Variants in SLC66A2 observed in about 807,000 individuals in gnomAD.
SLC66A2 encodes the protein solute carrier family 66 member 2, also known as PQ loop repeat containing 1.
A neutral mutation model predicts 25.5 loss-of-function variants in SLC66A2; 23 were observed. The observed-to-expected ratio is 0.90, with a 90% CI of 0.65 to 1.28. The LOEUF (loss-of-function observed/expected upper bound fraction) is 1.28, where lower values mean the gene tolerates loss of function less well. Among genes scored for constraint, SLC66A2 ranks in the 50% most tolerant of loss-of-function variants. The probability of loss-of-function intolerance (pLI) is 0.00; values close to 1 mark genes in which losing one functional copy is unlikely to be tolerated. For synonymous variants in SLC66A2, 193 were observed against 166.5 expected (o/e 1.16, Z -1.23); for missense variants, 396 against 373.1 (o/e 1.06, Z -0.51).
rs1289728019 is a variant in SLC66A2, at chr18:79,907,337, T to TTG, written c.609-3155_609-3154insCA. ...TTTCACTGTATCTCTTTGTATAGTT[T>TTG]TTTTTTTTTTTGGTTGTTTTTTTTT... On this transcript the variant is annotated intron_variant, in intron 5 of 5. Transcript: ENST00000397778. Among the ~76,000 whole-genome samples the TTG allele has an allele frequency of 3.6e-4, 49 of 136,938 alleles. 2 individuals are homozygous for TTG. In the South Asian group the frequency reaches 0.011, roughly 32 times the overall value. 89.8% of individuals were successfully genotyped at this position (136,938 alleles called of 152,430 possible).
In SLC66A2 at chr18:79,919,176, C is replaced by T. The variant is rs745726958; in HGVS notation, c.608+8G>A. 23 of 1,611,916 alleles carry T rather than the reference C, an allele frequency of 1.4e-5. No homozygotes were observed. Among genetic ancestry groups the T allele is most frequent in the Middle Eastern group, 3.3e-4 (2 of 6,022 alleles). ...AGTGGTGCTTCCGTGGCGGCATCCC[C>T]GGCCTACCTCATGCCCTCCGTGGAC... is the stretch of plus-strand genomic sequence containing the variant. On this transcript the variant is annotated splice_region_variant and intron_variant, in intron 5 of 5. Coordinates refer to ENST00000397778, the MANE Select transcript of SLC66A2 (RefSeq NM_025078.5).
Position 79,939,019 on chromosome 18 carries a change from C to CATGG in SLC66A2, c.337+4309_337+4310insCCAT, listed in dbSNP as rs550190473. On this transcript the variant is annotated intron_variant, in intron 3 of 5. Coordinates refer to ENST00000397778, the MANE Select transcript of SLC66A2 (RefSeq NM_025078.5). ...TATTCTGTCTTCCCCAAATGTCTAC[C>CATGG]ATGAGCATGCACTGTTCTTTATAAT... Among the ~76,000 whole-genome samples, 380 of 152,334 alleles carry CATGG rather than the reference C, an allele frequency of 2.5e-3. 3 individuals carry two copies. The highest frequency in any genetic ancestry group is 8.5e-3 in the African/African-American group (355 of 41,584).
chr18:79,947,926 G>A (rs541006392), intron 2 of SLC66A2, among the ~76,000 whole-genome samples: 3 of 152,088 alleles, frequency 2.0e-5, no homozygotes, highest in African/African-American at 7.2e-5. Context: ...GAGGATGTGT[G>A]GTAGGTAGGG....
intron 2 of SLC66A2, among the ~76,000 whole-genome samples, chr18:79,947,668 C>T (rs546734313): frequency 3.3e-5 from 1 of 30,252 alleles, no homozygotes; most frequent in Non-Finnish European, 1.0e-4. Flanking sequence ...CCCACCACCC[C>T]CAACCCAAAC....
At chr18:79,939,854 A>G (rs971950452) in intron 3 of SLC66A2, among the ~76,000 whole-genome samples, 2 of 152,244 alleles carry the variant, frequency 1.3e-5, no homozygotes, top group African/African-American at 2.4e-5. Context: ...TCAACCCAAC[A>G]ATCCCGGTAC....
chr18:79,950,089 C>T (rs1204996574), intron 2 of SLC66A2, among the ~76,000 whole-genome samples: 15 of 152,204 alleles, frequency 9.9e-5, no homozygotes, highest in Admixed American at 9.8e-4. Context: ...AGCTTGTAAT[C>T]CCAGCCCTTT....
At position 79,920,274 on chromosome 18, in the gene SLC66A2, CA is replaced by C. The variant is rs144978040; in HGVS notation, c.392-875del. 1.3e-3 allele frequency among the ~76,000 whole-genome samples: 11 copies of C among 8,798 alleles called. 2 individuals carry two copies. The highest frequency in any genetic ancestry group is 0.011 in the Non-Finnish European group (4 of 362). 5.8% of individuals were successfully genotyped at this position (8,798 alleles called of 152,430 possible). A position where few individuals can be genotyped will look rare whatever the true frequency, so the allele number is the denominator to read the frequency against. ...AGAGGTCAGGGTCAGTGAGGAGAGA[CA>C]GGAACCGAGGGAGAGGTCAAGGTCA... On this transcript the variant is annotated intron_variant, in intron 4 of 5. Transcript: ENST00000397778.
At position 79,903,720 on chromosome 18, in the gene SLC66A2, T is replaced by C; in HGVS notation, c.*256A>G. ...AGAGGAAATGGGGAAAACACTTGCT[T>C]TTTATGTCATCCTAAAAACATCCAA... On this transcript the variant is annotated 3_prime_UTR_variant, in exon 6 of 6. Coordinates refer to ENST00000397778, the MANE Select transcript of SLC66A2 (RefSeq NM_025078.5). 1 of 510,878 alleles carries C rather than the reference T, an allele frequency of 2.0e-6. No individual in the cohort carries two copies. Among genetic ancestry groups the C allele is most frequent in the African/African-American group, 2.0e-5 (1 of 49,704 alleles). The allele number at this position is 510,878 out of a possible 1,614,324, so 31.6% of individuals were successfully genotyped here.
In SLC66A2 at chr18:79,950,941, G is replaced by A. The variant is rs1352329664; in HGVS notation, c.-15C>T. ...TCGGCCTCCATCGCAGCGCCCGCCTGGCCGAGGCTGTCACGGGCTCCGCGC... is the reference window on the plus strand; with the variant it reads ...TCGGCCTCCATCGCAGCGCCCGCCTAGCCGAGGCTGTCACGGGCTCCGCGC... On this transcript the variant is annotated 5_prime_UTR_variant, in exon 2 of 6. Coordinates refer to ENST00000397778, the MANE Select transcript of SLC66A2 (RefSeq NM_025078.5). 2.6e-6 allele frequency: 4 copies of A among 1,526,094 alleles called. No individual in the cohort carries two copies. Among genetic ancestry groups the A allele is most frequent in the Admixed American group, 2.0e-5 (1 of 49,522 alleles). 94.5% of individuals were successfully genotyped at this position (1,526,094 alleles called of 1,614,324 possible). A position where few individuals can be genotyped will look rare whatever the true frequency, so the allele number is the denominator to read the frequency against.
Position 79,917,568 on chromosome 18 carries a change from G to C in SLC66A2, c.608+1616C>G, listed in dbSNP as rs1984358688. Among the ~76,000 whole-genome samples, 1 of 152,034 alleles carries C rather than the reference G, an allele frequency of 6.6e-6. No homozygotes were observed. Among genetic ancestry groups the C allele is most frequent in the African/African-American group, 2.4e-5 (1 of 41,390 alleles). ...GTGGCTGGGGACGCCACACTCCGCC[G>C]GACAAGGCCCACGTCCAGCCGGGGA... On this transcript the variant is annotated intron_variant, in intron 5 of 5. Transcript: ENST00000397778. This position sits in a 1 kb window ranked among gnomAD's most constrained non-coding sequence, Gnocchi z 6.0.
intron 5 of SLC66A2, among the ~76,000 whole-genome samples, chr18:79,912,708 G>A (rs1983421750): frequency 1.3e-5 from 2 of 152,174 alleles, no homozygotes; most frequent in South Asian, 4.1e-4. Flanking sequence ...AGACCGTGGT[G>A]CTGGCTTGGC....
intron 3 of SLC66A2, among the ~76,000 whole-genome samples, chr18:79,938,333 C>T (rs1479322318): frequency 6.6e-6 from 1 of 152,130 alleles, no homozygotes; most frequent in Non-Finnish European, 1.5e-5. Context: ...GGTGTGCACT[C>T]ACTCCCAACC....
intron 5 of SLC66A2, among the ~76,000 whole-genome samples, chr18:79,908,859 A>G (rs1568291223): frequency 6.6e-6 from 1 of 152,138 alleles, no homozygotes; most frequent in South Asian, 2.1e-4. Flanking sequence ...TTAAACTTCT[A>G]TTTCTCTATG....
At chr18:79,916,276 CGTGGTGCTCCCGT>C (rs1984137149) in intron 5 of SLC66A2, among the ~76,000 whole-genome samples, 1 of 144,166 alleles carries the variant, frequency 6.9e-6, no homozygotes, top group African/African-American at 2.7e-5. Flanking sequence ...CTCCCGTACC[CGTGGTGCTCCCGT>C]ACCCGTGGTG....
Position 79,934,028 on chromosome 18 carries a change from C to T in SLC66A2, c.338-6G>A, listed in dbSNP as rs142283988. 92 of 1,610,504 alleles carry T rather than the reference C, an allele frequency of 5.7e-5. No individual in the cohort carries two copies. In the African/African-American group the frequency reaches 1.0e-3, roughly 18 times the overall value. ...TTCATCCTTGCTATCTGCAGCTACA[C>T]GTTAAAAAGGGAGACAGAAACAGAA... On this transcript the variant is annotated splice_region_variant and splice_polypyrimidine_tract_variant and intron_variant, in intron 3 of 5. Transcript: ENST00000397778.
chr18:79,903,290 CAA>C lies in SLC66A2; in HGVS notation c.*684_*685del, dbSNP rs1349757466. 6.6e-6 allele frequency: 1 copy of C among 152,422 alleles called. No homozygotes were observed. The highest frequency in any genetic ancestry group is 2.4e-5 in the African/African-American group (1 of 41,476). The allele number at this position is 152,422 out of a possible 1,614,324, so 9.4% of individuals were successfully genotyped here. A position where few individuals can be genotyped will look rare whatever the true frequency, so the allele number is the denominator to read the frequency against. On this transcript the variant is annotated 3_prime_UTR_variant, in exon 6 of 6. Transcript: ENST00000397778. ...GGACTCGAGGAGAACCAGAGGCTGACAAGAGCAGCATGAGCTAGCCCTGGCGA... is the reference window on the plus strand; with the variant it reads ...GGACTCGAGGAGAACCAGAGGCTGACGAGCAGCATGAGCTAGCCCTGGCGA...
At chr18:79,947,696 A>G (rs537305472) in intron 2 of SLC66A2, among the ~76,000 whole-genome samples, 69 of 91,998 alleles carry the variant, frequency 7.5e-4, no homozygotes, top group African/African-American at 2.5e-3. Context: ...GTGCCTGCGC[A>G]TGCGTGGAGC....
At chr18:79,942,500 G>A (rs946617807) in intron 3 of SLC66A2, among the ~76,000 whole-genome samples, 2 of 152,176 alleles carry the variant, frequency 1.3e-5, no homozygotes, top group African/African-American at 2.4e-5. Context: ...ACAGCTCCCC[G>A]GCAAGAGCTC....
At chr18:79,943,006 G>T (rs1987819254) in intron 3 of SLC66A2, among the ~76,000 whole-genome samples, 1 of 152,214 alleles carries the variant, frequency 6.6e-6, no homozygotes, top group Non-Finnish European at 1.5e-5. Flanking sequence ...CGTCTGACCT[G>T]ATGGGCCAGG....
Sources: allele counts gnomAD v4.1 joint callset (sites outside exome capture counted in the v4.1 genomes callset), GRCh38; gene constraint gnomAD v4.1.1; non-coding constraint Gnocchi (gnomAD v3.1); transcripts MANE v1.5; gene names NCBI Gene and HGNC (gene_info 2026-07-23, HGNC 2026-07-21).